PAPPA2: variants seen among roughly 807,000 people sequenced by gnomAD.
The protein encoded by PAPPA2 is pappalysin 2, also known as pappalysin-2.
In PAPPA2, 86 loss-of-function variants were observed where a neutral mutation model predicts 176.4. That is an observed-to-expected ratio of 0.49 (90% CI 0.41 to 0.58). The LOEUF (loss-of-function observed/expected upper bound fraction) is 0.58, where lower values mean the gene tolerates loss of function less well. PAPPA2 is among the 20% of genes least tolerant of loss of function. The pLI, the probability that PAPPA2 is intolerant of heterozygous loss-of-function variation, is 0.00. For missense variants in PAPPA2, 2,073 were observed against 2,256.9 expected (o/e 0.92, Z 1.65); for synonymous variants, 809 against 852.2 (o/e 0.95, Z 0.88).
At chr1:176,473,602 T>C (rs746207912) in intron 1 of PAPPA2, among the ~76,000 whole-genome samples, 15 of 152,222 alleles carry the variant, frequency 9.9e-5, no homozygotes, top group Non-Finnish European at 2.9e-5. Flanking sequence ...TGTTAGAAAC[T>C]TCCAAAATGT....
chr1:176,595,433 G>A lies in PAPPA2; in HGVS notation c.1829G>A (p.Gly610Asp). Residue 610 changes from glycine to aspartate, a missense_variant, in exon 3 of 23, where the codon GGT (glycine) becomes GAT (aspartate). Coordinates refer to ENST00000367662, the MANE Select transcript of PAPPA2 (RefSeq NM_020318.3). ...CACCCACTCACAGGCTATGATGGGG[G>A]TGACTGCCGCCTGCAGGGCCGCTGC... is the stretch of plus-strand genomic sequence containing the variant. ...CEHPLTGYDG[G>D]DCRLQGRCYS... The A allele has an allele frequency of 6.2e-7, 1 of 1,614,232 alleles. No individual in the cohort carries two copies. Among genetic ancestry groups the A allele is most frequent in the Non-Finnish European group, 8.5e-7 (1 of 1,180,046 alleles).
intron 14 of PAPPA2, among the ~76,000 whole-genome samples, chr1:176,757,081 C>T (rs991066396): frequency 3.3e-5 from 5 of 152,170 alleles, no homozygotes; most frequent in African/African-American, 7.2e-5. Flanking sequence ...TGTATATGTG[C>T]CACATTTTCT....
At chr1:176,670,449 T>G (rs1452239866) in intron 3 of PAPPA2, among the ~76,000 whole-genome samples, 2 of 152,202 alleles carry the variant, frequency 1.3e-5, no homozygotes, top group Non-Finnish European at 2.9e-5. Context: ...TGCTTATAAC[T>G]CATCTCATAT....
At chr1:176,727,029 A>G (rs1661909734) in intron 12 of PAPPA2, among the ~76,000 whole-genome samples, 2 of 152,202 alleles carry the variant, frequency 1.3e-5, no homozygotes, top group South Asian at 4.1e-4. Context: ...GCAATAAGCT[A>G]GAGATGCATA....
intron 3 of PAPPA2, among the ~76,000 whole-genome samples, chr1:176,607,620 G>T (rs1462415652): frequency 1.3e-5 from 2 of 152,146 alleles, no homozygotes; most frequent in African/African-American, 4.8e-5. Flanking sequence ...TAGACACTTA[G>T]GTTGACTGGA....
At chr1:176,584,424 T>G (rs1653178234) in intron 2 of PAPPA2, among the ~76,000 whole-genome samples, 1 of 152,156 alleles carries the variant, frequency 6.6e-6, no homozygotes, top group African/African-American at 2.4e-5. Flanking sequence ...GTTTTTGACT[T>G]AAAATCTGTT....
chr1:176,616,546 C>T, intron 3 of PAPPA2: 1 of 1,369,998 alleles, frequency 7.3e-7, no homozygotes, highest in South Asian at 1.2e-5. Context: ...AACCAATCAG[C>T]AACAATCTGG....
intron 7 of PAPPA2, among the ~76,000 whole-genome samples, chr1:176,697,115 T>G (rs1350219415): frequency 6.6e-6 from 1 of 152,174 alleles, no homozygotes; most frequent in Non-Finnish European, 1.5e-5. Context: ...ATTTTTTTCC[T>G]TTTTATTTCT....
chr1:176,695,428 C>A (rs1660329160), intron 6 of PAPPA2, among the ~76,000 whole-genome samples: 1 of 152,150 alleles, frequency 6.6e-6, no homozygotes, highest in Non-Finnish European at 1.5e-5. Context: ...TTGAAAGATT[C>A]AGATTTTAAT....
At chr1:176,471,662 T>C (rs752841285) in intron 1 of PAPPA2, among the ~76,000 whole-genome samples, 1 of 152,230 alleles carries the variant, frequency 6.6e-6, no homozygotes, top group Non-Finnish European at 1.5e-5. Context: ...ACAACTTTAG[T>C]TGTGGTTTTA....
intron 6 of PAPPA2, 108 bp downstream of exon 6, chr1:176,692,426 TG>T (rs1287725962): frequency 8.8e-7 from 1 of 1,131,610 alleles, no homozygotes; most frequent in African/African-American, 1.6e-5. Context: ...GAAGTATAAA[TG>T]TGTGCACCAC....
At chr1:176,554,562 C>T (rs1447376970) in intron 1 of PAPPA2, among the ~76,000 whole-genome samples, 1 of 152,156 alleles carries the variant, frequency 6.6e-6, no homozygotes, top group African/African-American at 2.4e-5. Flanking sequence ...CATTTTCTTC[C>T]CCATCCTTTC....
chr1:176,606,149 C>T (rs1264964041), intron 3 of PAPPA2, among the ~76,000 whole-genome samples: 2 of 151,564 alleles, frequency 1.3e-5, no homozygotes, highest in African/African-American at 4.8e-5. Context: ...TAATGCTCAC[C>T]ATAGCTCCAA....
chr1:176,465,740 A>G (rs556853785), intron 1 of PAPPA2, among the ~76,000 whole-genome samples: 4 of 150,752 alleles, frequency 2.7e-5, no homozygotes, highest in Non-Finnish European at 5.9e-5. Flanking sequence ...TTATTTCATC[A>G]CACAGGTATT....
At chr1:176,801,080 A>G (rs983461965) in intron 21 of PAPPA2, among the ~76,000 whole-genome samples, 1 of 148,854 alleles carries the variant, frequency 6.7e-6, no homozygotes, top group African/African-American at 2.5e-5. Context: ...TCATAGGGGA[A>G]GGAGATGCTT....
intron 21 of PAPPA2, among the ~76,000 whole-genome samples, chr1:176,810,504 C>T (rs896896041): frequency 6.6e-6 from 1 of 152,180 alleles, no homozygotes; most frequent in African/African-American, 2.4e-5. Context: ...GCACAGTCCA[C>T]CACAGGGTTC....
chr1:176,480,851 A>G (rs1226842280), intron 1 of PAPPA2, among the ~76,000 whole-genome samples: 1 of 151,994 alleles, frequency 6.6e-6, no homozygotes, highest in East Asian at 1.9e-4. Context: ...AGACCAGACG[A>G]AAACACTAAA....
chr1:176,687,909 TACA>T (rs1177727039), intron 4 of PAPPA2, among the ~76,000 whole-genome samples: 2 of 152,172 alleles, frequency 1.3e-5, no homozygotes, highest in Non-Finnish European at 2.9e-5. Flanking sequence ...GGGCCTTTAA[TACA>T]ACAACTCACT....
At chr1:176,741,294 C>T (rs1013737836) in intron 14 of PAPPA2, among the ~76,000 whole-genome samples, 1 of 152,118 alleles carries the variant, frequency 6.6e-6, no homozygotes, top group Non-Finnish European at 1.5e-5. Flanking sequence ...AAGCTCACTC[C>T]TGTGGCTACT....
Sources: gnomAD v4.1 joint callset for allele counts (sites outside exome capture counted in the v4.1 genomes callset) on GRCh38, gnomAD v4.1.1 for gene constraint, MANE v1.5 for transcripts, NCBI Gene and HGNC (gene_info 2026-07-23, HGNC 2026-07-21) for gene names.